STRN: variants seen among roughly 807,000 people sequenced by gnomAD.
STRN encodes the protein striatin.
STRN carries 53 observed loss-of-function variants against 96.3 expected under a neutral mutation model. The ratio of observed to expected loss-of-function variants is 0.55; its 90% CI spans 0.44 to 0.69. The LOEUF (loss-of-function observed/expected upper bound fraction) is 0.69. Ranked by LOEUF, STRN falls within the 30% of genes least tolerant of loss-of-function variation. The pLI, the probability that STRN is intolerant of heterozygous loss-of-function variation, is 0.00. For synonymous variants in STRN, 428 were observed against 355.9 expected (o/e 1.20, Z -2.28); for missense variants, 987 against 963.9 (o/e 1.02, Z -0.32).
chr2:36,928,413 A>G (rs1443999463), intron 1 of STRN, among the ~76,000 whole-genome samples: 1 of 152,172 alleles, frequency 6.6e-6, no homozygotes, highest in East Asian at 1.9e-4. Flanking sequence ...GAACTTTGGG[A>G]GGCCGAGGCG....
At chr2:36,928,861 T>C (rs370358928) in intron 1 of STRN, among the ~76,000 whole-genome samples, 60 of 149,924 alleles carry the variant, frequency 4.0e-4, no homozygotes, top group Middle Eastern at 6.9e-3. Context: ...AGGCACAGAA[T>C]TGCTTGAACC....
intron 14 of STRN, 21 bp from the exon 15 acceptor site, chr2:36,855,373 A>G: frequency 6.2e-7 from 1 of 1,608,998 alleles, no homozygotes. Flanking sequence ...ACATATTGAA[A>G]TAGAATGGCA....
intron 14 of STRN, among the ~76,000 whole-genome samples, 173 bp downstream of exon 14, chr2:36,857,683 C>T (rs956140754): frequency 2.0e-5 from 3 of 150,234 alleles, no homozygotes; most frequent in South Asian, 2.1e-4. Context: ...CAAAACAAAA[C>T]AAAACAAAAC....
chr2:36,910,105 G>A (rs906567226), intron 3 of STRN, among the ~76,000 whole-genome samples: 20 of 151,558 alleles, frequency 1.3e-4, no homozygotes, highest in Non-Finnish European at 2.8e-4. Context: ...CCTGGGAGGC[G>A]GAGGCTGCAG....
chr2:36,922,613 G>C (rs1670291056), intron 2 of STRN, among the ~76,000 whole-genome samples: 1 of 151,196 alleles, frequency 6.6e-6, no homozygotes, highest in African/African-American at 2.4e-5. Context: ...TCTATGATCT[G>C]ACTCTTGCCC....
At chr2:36,889,307 C>A (rs927235263) in intron 7 of STRN, among the ~76,000 whole-genome samples, 1 of 152,052 alleles carries the variant, frequency 6.6e-6, no homozygotes, top group African/African-American at 2.4e-5. Flanking sequence ...GAATATAATA[C>A]TATTAAAAAT....
intron 4 of STRN, among the ~76,000 whole-genome samples, chr2:36,904,417 A>G (rs1328117668): frequency 6.6e-6 from 1 of 152,210 alleles, no homozygotes; most frequent in Non-Finnish European, 1.5e-5. Flanking sequence ...ATGAGTTTCA[A>G]AGGTGGTATT....
chr2:36,966,430 TGAA>T lies in STRN; in HGVS notation c.31_33del (p.Phe11del), dbSNP rs1031045038. On this transcript the variant is annotated inframe_deletion, in exon 1 of 18. Transcript: ENST00000263918. The stretch of plus-strand genomic sequence containing the variant: ...CCGCCGGCGCCCGGGTGGTTGTTGC[TGAA>T]GAAGACGCCGGGACCCGCCTGCTCG... 1 of 1,466,370 alleles carries T rather than the reference TGAA, an allele frequency of 6.8e-7. No individual in the cohort carries two copies. The highest frequency in any genetic ancestry group is 9.0e-7 in the Non-Finnish European group (1 of 1,110,594). The allele number at this position is 1,466,370 out of a possible 1,614,324, so 90.8% of individuals were successfully genotyped here.
At position 36,842,089 on chromosome 2, in the gene STRN, AAGTAGT is replaced by A; in HGVS notation, c.*7361_*7366del. 1 of 152,294 alleles carries A rather than the reference AAGTAGT, an allele frequency of 6.6e-6. No individual in the cohort carries two copies. Among genetic ancestry groups the A allele is most frequent in the Non-Finnish European group, 1.5e-5 (1 of 68,030 alleles). The allele number at this position is 152,294 out of a possible 1,614,324, so 9.4% of individuals were successfully genotyped here. A position where few individuals can be genotyped will look rare whatever the true frequency, so the allele number is the denominator to read the frequency against. ...TTGTCTTGGTCCCATTTCCAAAGGG[AAGTAGT>A]TGGATGCCAGCATACTTTAACATTT... is the stretch of plus-strand genomic sequence containing the variant. On this transcript the variant is annotated 3_prime_UTR_variant, in exon 18 of 18. Coordinates refer to ENST00000263918, the MANE Select transcript of STRN (RefSeq NM_003162.4).
At chr2:36,961,964 C>A (rs1238594646) in intron 1 of STRN, among the ~76,000 whole-genome samples, 1 of 152,170 alleles carries the variant, frequency 6.6e-6, no homozygotes, top group Non-Finnish European at 1.5e-5. Context: ...ATCACCTTTT[C>A]AGGTCTTAGC....
chr2:36,957,724 C>A (rs1455269892), intron 1 of STRN, among the ~76,000 whole-genome samples: 1 of 143,534 alleles, frequency 7.0e-6, no homozygotes, highest in African/African-American at 2.5e-5. Context: ...TCAGATTAGT[C>A]TCATAGTTCT....
At chr2:36,889,713 T>C (rs1280332212) in intron 7 of STRN, among the ~76,000 whole-genome samples, 1 of 152,046 alleles carries the variant, frequency 6.6e-6, no homozygotes, top group Non-Finnish European at 1.5e-5. Context: ...TGCAACCTAG[T>C]TTTGTTAATT....
chr2:36,873,096 T>A (rs1218748501), intron 10 of STRN, among the ~76,000 whole-genome samples: 1 of 152,164 alleles, frequency 6.6e-6, no homozygotes, highest in Non-Finnish European at 1.5e-5. Flanking sequence ...GGGTTATGAT[T>A]TCAAAGGGTG....
At chr2:36,860,493 T>A (rs1668449060) in intron 13 of STRN, among the ~76,000 whole-genome samples, 1 of 152,238 alleles carries the variant, frequency 6.6e-6, no homozygotes, top group Non-Finnish European at 1.5e-5. Flanking sequence ...ATGATGAAAT[T>A]AAAATGCTTT....
chr2:36,956,875 T>G (rs1443446751), intron 1 of STRN, among the ~76,000 whole-genome samples: 4 of 152,210 alleles, frequency 2.6e-5, no homozygotes, highest in African/African-American at 9.6e-5. Flanking sequence ...ATAAGAGAAT[T>G]CAGTTTCCAG....
intron 2 of STRN, among the ~76,000 whole-genome samples, chr2:36,922,587 C>G (rs1288984469): frequency 6.6e-6 from 1 of 150,418 alleles, no homozygotes; most frequent in Admixed American, 6.6e-5. Flanking sequence ...AAAGTTTGAA[C>G]TCCTTGGTTA....
rs183502650 is a variant in STRN at position 36,857,846 on chromosome 2, A to C, written c.1837+10T>G. On this transcript the variant is annotated intron_variant, in intron 14 of 17. Coordinates refer to ENST00000263918, the MANE Select transcript of STRN (RefSeq NM_003162.4). ...GAGGATTCAGCAAAATAATTTTTTAAAGTATGTACCTTTAGTATCATTAAA... is the reference window on the plus strand; with the variant it reads ...GAGGATTCAGCAAAATAATTTTTTACAGTATGTACCTTTAGTATCATTAAA... The C allele has an allele frequency of 2.9e-4, 458 of 1,597,078 alleles. No individual in the cohort carries two copies. Among genetic ancestry groups the C allele is most frequent in the Non-Finnish European group, 3.8e-4 (445 of 1,168,638 alleles).
In STRN at chr2:36,910,173, C is replaced by CAA. The variant is rs146718686; in HGVS notation, c.413-4557_413-4556dup. On this transcript the variant is annotated intron_variant, in intron 3 of 17. Transcript: ENST00000263918. ...GGGGGACAAGAGCGAGACTTTGTCT[C>CAA]AAAAAAAAAAAAAAAAAAAGACTTT... Among the ~76,000 whole-genome samples the CAA allele has an allele frequency of 7.3e-3, 821 of 112,756 alleles. 23 individuals are homozygous for CAA. The highest frequency in any genetic ancestry group is 0.022 in the African/African-American group (676 of 30,508). The allele number at this position is 112,756 out of a possible 152,430, so 74.0% of individuals were successfully genotyped here.
rs1668155403 is a variant in STRN, at chr2:36,849,172, C to G, written c.*284G>C. ...AAGCTAAACTTGTATTCGCTCAGGC[C>G]TGCCTAGCGAATTAGAACCACCTCA... On this transcript the variant is annotated 3_prime_UTR_variant, in exon 18 of 18. Coordinates refer to ENST00000263918, the MANE Select transcript of STRN (RefSeq NM_003162.4). 2 of 362,964 alleles carry G rather than the reference C, an allele frequency of 5.5e-6. No individual in the cohort carries two copies. Among genetic ancestry groups the G allele is most frequent in the South Asian group, 8.8e-5 (2 of 22,756 alleles). The allele number at this position is 362,964 out of a possible 1,614,324, so 22.5% of individuals were successfully genotyped here. A position where few individuals can be genotyped will look rare whatever the true frequency, so the allele number is the denominator to read the frequency against.
Sources: allele counts gnomAD v4.1 joint callset (sites outside exome capture counted in the v4.1 genomes callset), GRCh38; gene constraint gnomAD v4.1.1; transcripts MANE v1.5; gene names NCBI Gene and HGNC (gene_info 2026-07-23, HGNC 2026-07-21).